RBFOX1: variants seen among roughly 807,000 people sequenced by gnomAD.
The protein encoded by RBFOX1 is RNA binding protein fox-1 homolog 1.
Under a neutral mutation model 57.7 loss-of-function variants are expected in RBFOX1, and 8 were observed. The ratio of observed to expected loss-of-function variants is 0.14; its 90% CI spans 0.08 to 0.25. RBFOX1 has a LOEUF of 0.25. Ranked by LOEUF, RBFOX1 falls within the 10% of genes least tolerant of loss-of-function variation. The pLI is 1.00. For synonymous variants in RBFOX1, 326 were observed against 222.4 expected, an observed-to-expected ratio of 1.47 and a Z score of -4.15; for missense variants, 611 against 548.5, an observed-to-expected ratio of 1.11 and a Z score of -1.14.
intron 4 of RBFOX1, among the ~76,000 whole-genome samples, chr16:7,431,545 G>A (rs1009464158): frequency 6.6e-6 from 1 of 152,158 alleles, no homozygotes; most frequent in Non-Finnish European, 1.5e-5. Context: ...ACTGTGCCCG[G>A]CTTAATATGT....
chr16:5,989,725 C>T (rs868411338), intron 4 of RBFOX1, among the ~76,000 whole-genome samples: 4 of 151,884 alleles, frequency 2.6e-5, no homozygotes, highest in East Asian at 1.9e-4. Flanking sequence ...TCATTTGTCT[C>T]GCTTCTGGGC....
At chr16:6,905,610 T>C (rs2069670502) in intron 3 of RBFOX1, among the ~76,000 whole-genome samples, 1 of 151,138 alleles carries the variant, frequency 6.6e-6, no homozygotes. Context: ...AGCTAGTAGG[T>C]TGGACTTTGT....
rs567035896 is a variant in RBFOX1, at chr16:7,338,862, G to T, written c.28-179285G>T. Among the ~76,000 whole-genome samples, 12 of 152,272 alleles carry T rather than the reference G, an allele frequency of 7.9e-5. 1 individual carries two copies. The South Asian group carries it at 2.5e-3, about 32-fold the overall frequency. On this transcript the variant is annotated intron_variant, in intron 4 of 15. Coordinates refer to ENST00000550418, the MANE Select transcript of RBFOX1 (RefSeq NM_018723.4). ...GTTTGGCTCTGTGGCTGGCATTTCA[G>T]GTCTTGATATTGCTGCCCTGCGATT...
At chr16:6,861,612 G>A (rs892075583) in intron 3 of RBFOX1, among the ~76,000 whole-genome samples, 1 of 151,442 alleles carries the variant, frequency 6.6e-6, no homozygotes, top group African/African-American at 2.4e-5. Context: ...CCAGTAAACA[G>A]CCTCTACATT....
rs148737583 is a variant in RBFOX1 at position 7,577,978 on chromosome 16, A to C, written c.271-1799A>C. Among the ~76,000 whole-genome samples the C allele has an allele frequency of 5.6e-3, 847 of 152,354 alleles. 6 individuals carry two copies. The highest frequency in any genetic ancestry group is 0.019 in the African/African-American group (791 of 41,572). On this transcript the variant is annotated intron_variant, in intron 5 of 15. Transcript: ENST00000550418. Reference sequence around the variant, plus strand: ...ATTGGTGTCATGCACTAAAGTTGGAATTGCATGTGACAAGGAGGGCTGATT... The same window carrying C: ...ATTGGTGTCATGCACTAAAGTTGGACTTGCATGTGACAAGGAGGGCTGATT...
intron 4 of RBFOX1, among the ~76,000 whole-genome samples, chr16:7,355,417 A>C (rs1232240387): frequency 6.6e-6 from 1 of 152,092 alleles, no homozygotes; most frequent in Non-Finnish European, 1.5e-5. Flanking sequence ...CTCCTGTCCT[A>C]CCTCCCACCC....
intron 4 of RBFOX1, among the ~76,000 whole-genome samples, chr16:5,872,862 A>G (rs967190396): frequency 8.5e-5 from 13 of 152,222 alleles, no homozygotes; most frequent in Admixed American, 4.6e-4. Context: ...TGTATTAAGT[A>G]AAACAATAAT....
intron 2 of RBFOX1, among the ~76,000 whole-genome samples, chr16:6,502,857 A>G (rs2095977792): frequency 6.6e-6 from 1 of 152,124 alleles, no homozygotes; most frequent in African/African-American, 2.4e-5. Context: ...TCCAAATACT[A>G]ACTGGGGTTA....
intron 2 of RBFOX1, among the ~76,000 whole-genome samples, chr16:5,579,623 C>G (rs937967168): frequency 3.3e-5 from 5 of 152,214 alleles, no homozygotes; most frequent in Non-Finnish European, 1.5e-5. Context: ...GGAGCTGCTC[C>G]TTCTGCCAAC....
At chr16:5,389,929 C>T (rs559029981) in intron 1 of RBFOX1, among the ~76,000 whole-genome samples, 2 of 152,124 alleles carry the variant, frequency 1.3e-5, no homozygotes, top group African/African-American at 2.4e-5. Context: ...AACTCCTGAC[C>T]TTCAGGTGAT....
chr16:5,582,547 CT>C (rs57853959), intron 2 of RBFOX1, among the ~76,000 whole-genome samples: 49,924 of 91,766 alleles, frequency 0.54, 14,092 homozygotes, highest in East Asian at 0.8. Flanking sequence ...AAGCACGTCA[CT>C]TTTTTTTTTT....
At chr16:6,895,227 G>T (rs995686560) in intron 3 of RBFOX1, among the ~76,000 whole-genome samples, 1 of 151,712 alleles carries the variant, frequency 6.6e-6, no homozygotes, top group Admixed American at 6.6e-5. Context: ...AAACCTCAGA[G>T]ACCAAATGTA....
chr16:7,363,290 G>C (rs1466480269), intron 4 of RBFOX1, among the ~76,000 whole-genome samples: 1 of 152,128 alleles, frequency 6.6e-6, no homozygotes, highest in African/African-American at 2.4e-5. Flanking sequence ...TCAAGCTGTT[G>C]AGAAATCCTG....
intron 4 of RBFOX1, among the ~76,000 whole-genome samples, chr16:7,336,723 T>C (rs75107020): frequency 0.071 from 10,841 of 152,310 alleles, 526 homozygotes; most frequent in South Asian, 0.14. Context: ...CTCAATTTAT[T>C]TTTATAATAA....
chr16:5,679,040 T>C (rs7205556), intron 3 of RBFOX1, among the ~76,000 whole-genome samples: 6,221 of 152,304 alleles, frequency 0.041, 438 homozygotes, highest in African/African-American at 0.14. Flanking sequence ...AACTGGAATT[T>C]AGCAGTTAAT....
At chr16:6,035,528 T>C (rs1032910301) in intron 1 of RBFOX1, among the ~76,000 whole-genome samples, 3 of 152,256 alleles carry the variant, frequency 2.0e-5, no homozygotes, top group East Asian at 1.9e-4. Flanking sequence ...TAAAAAATTA[T>C]GTTCCCAACT....
At chr16:6,813,632 G>C (rs1231342707) in intron 3 of RBFOX1, among the ~76,000 whole-genome samples, 1 of 152,164 alleles carries the variant, frequency 6.6e-6, no homozygotes, top group Non-Finnish European at 1.5e-5. Flanking sequence ...CTGAAGAACT[G>C]AGTAGGGGGT....
chr16:6,577,579 C>T (rs1467175865), intron 2 of RBFOX1, among the ~76,000 whole-genome samples: 1 of 152,216 alleles, frequency 6.6e-6, no homozygotes. Context: ...GGTTCTGGGA[C>T]ACTCTACAGA....
chr16:6,497,158 A>G (rs1317514065), intron 2 of RBFOX1, among the ~76,000 whole-genome samples: 1 of 152,162 alleles, frequency 6.6e-6, no homozygotes, highest in Non-Finnish European at 1.5e-5. Flanking sequence ...CATGGAGTGG[A>G]CTGGGAACTT....
Sources: allele counts gnomAD v4.1 joint callset (sites outside exome capture counted in the v4.1 genomes callset), GRCh38; gene constraint gnomAD v4.1.1; transcripts MANE v1.5; gene names NCBI Gene and HGNC (gene_info 2026-07-23, HGNC 2026-07-21).